Variants in ANKRD30A observed in about 807,000 individuals in gnomAD.
ANKRD30A encodes ankyrin repeat domain 30A, also known as ankyrin repeat domain-containing protein 30A.
Under a neutral mutation model 166.3 loss-of-function variants are expected in ANKRD30A, and 170 were observed. The ratio of observed to expected loss-of-function variants is 1.02; its 90% confidence interval spans 0.90 to 1.16. ANKRD30A has a LOEUF of 1.16. Ranked by LOEUF, ANKRD30A falls within the 50% of genes most tolerant of loss-of-function variation. The pLI, the probability that ANKRD30A is intolerant of heterozygous loss-of-function variation, is 0.00. For synonymous variants in ANKRD30A, 564 were observed against 508.9 expected, an observed-to-expected ratio of 1.11 and a Z score of -1.46; for missense variants, 1,630 against 1,518.0, an observed-to-expected ratio of 1.07 and a Z score of -1.23.
At chr10:37,210,178 G>A (rs1564574050) in intron 31 of ANKRD30A, among the ~76,000 whole-genome samples, 2 of 151,314 alleles carry the variant, frequency 1.3e-5, no homozygotes, top group East Asian at 3.9e-4. Context: ...TGTTCTCATT[G>A]TTCAACTCCC....
At chr10:37,128,569 G>C (rs1453148781) in intron 1 of ANKRD30A, among the ~76,000 whole-genome samples, 4 of 151,902 alleles carry the variant, frequency 2.6e-5, no homozygotes, top group African/African-American at 7.2e-5. Context: ...AAATAAAAGA[G>C]CAAATATAAG....
intron 13 of ANKRD30A, among the ~76,000 whole-genome samples, chr10:37,155,064 A>C (rs17590533): frequency 6.6e-5 from 10 of 152,326 alleles, no homozygotes; most frequent in Non-Finnish European, 8.8e-5. Flanking sequence ...AAATAACATG[A>C]TACACGAAAC....
chr10:37,258,741 A>T, the ANKRD30A span, among the ~76,000 whole-genome samples: 1 of 151,402 alleles, frequency 6.6e-6, no homozygotes, highest in Non-Finnish European at 1.5e-5. Flanking sequence ...AGGTGGGTGG[A>T]TCATGAGGTC....
At chr10:37,189,861 C>T (rs183915980) in intron 25 of ANKRD30A, among the ~76,000 whole-genome samples, 3,063 of 151,304 alleles carry the variant, frequency 0.02, 131 homozygotes, top group African/African-American at 0.07. Context: ...ACAGAGCGTA[C>T]AGAGAGTATA....
At chr10:37,214,679 G>GT (rs797013609) in intron 31 of ANKRD30A, among the ~76,000 whole-genome samples, 35 of 150,540 alleles carry the variant, frequency 2.3e-4, no homozygotes, top group African/African-American at 6.3e-4. Flanking sequence ...TGTCTTAGTG[G>GT]TTTTTTTAGG....
At chr10:37,205,350 C>G (rs193285856) in intron 31 of ANKRD30A, among the ~76,000 whole-genome samples, 1 of 147,872 alleles carries the variant, frequency 6.8e-6, no homozygotes, top group Non-Finnish European at 1.5e-5. Flanking sequence ...ATCGCAAGGA[C>G]AGAAAACCAA....
intron 6 of ANKRD30A, among the ~76,000 whole-genome samples, chr10:37,139,454 G>C (rs1406965741): frequency 6.6e-6 from 1 of 152,198 alleles, no homozygotes; most frequent in Non-Finnish European, 1.5e-5. Context: ...GAGCCATCCT[G>C]CCCATGGGTG....
chr10:37,126,224 A>C (rs1412238980), intron 1 of ANKRD30A, among the ~76,000 whole-genome samples: 1 of 152,184 alleles, frequency 6.6e-6, no homozygotes, highest in Non-Finnish European at 1.5e-5. Context: ...CGGAGGGCCC[A>C]TGCCACCTTA....
In ANKRD30A at chr10:37,216,224, T is replaced by C. The variant is rs1222935469; in HGVS notation, c.2913T>C (p.Cys971=). 1 of 1,606,716 alleles carries C rather than the reference T, an allele frequency of 6.2e-7. No homozygotes were observed. The highest frequency in any genetic ancestry group is 1.3e-5 in the African/African-American group (1 of 74,384). Residue 971 remains cysteine (C), a synonymous_variant, in exon 32 of 36, where the codon TGT becomes TGC. Transcript: ENST00000361713. ...AAATCTTGGATACAGTTCATTCTTGTGAAAGAGCAAGGGAACTTCAAAAAG... is the reference window on the plus strand; with the variant it reads ...AAATCTTGGATACAGTTCATTCTTGCGAAAGAGCAAGGGAACTTCAAAAAG... ...LSKILDTVHS[C]ERARELQKDH...
chr10:37,216,023 T>A (rs956605525), intron 31 of ANKRD30A, among the ~76,000 whole-genome samples, 158 bp from the exon 32 acceptor site: 13 of 151,332 alleles, frequency 8.6e-5, no homozygotes, highest in Non-Finnish European at 1.6e-4. Context: ...GAGAGGTTTT[T>A]TTTTTTTCTG....
chr10:37,207,794 T>C (rs986614640), intron 31 of ANKRD30A, among the ~76,000 whole-genome samples: 1 of 151,976 alleles, frequency 6.6e-6, no homozygotes, highest in Non-Finnish European at 1.5e-5. Context: ...GACAGAATAG[T>C]CTCATACCTC....
chr10:37,131,399 A>G (rs1405153752), intron 3 of ANKRD30A, among the ~76,000 whole-genome samples: 1 of 152,226 alleles, frequency 6.6e-6, no homozygotes, highest in Non-Finnish European at 1.5e-5. Context: ...TTGAGAATAA[A>G]CTTTTATACT....
intron 31 of ANKRD30A, among the ~76,000 whole-genome samples, chr10:37,205,604 C>A (rs1330014970): frequency 6.6e-6 from 1 of 151,550 alleles, no homozygotes; most frequent in Non-Finnish European, 1.5e-5. Context: ...ATAATAACAA[C>A]AAAAAAAATT....
rs1836532305 is a variant in ANKRD30A, at chr10:37,134,063, T to C, written c.755+10T>C. 6.2e-7 allele frequency: 1 copy of C among 1,613,438 alleles called. No homozygotes were observed. Among genetic ancestry groups the C allele is most frequent in the African/African-American group, 1.3e-5 (1 of 74,896 alleles). On this transcript the variant is annotated intron_variant, in intron 5 of 35. Transcript: ENST00000361713. The stretch of plus-strand genomic sequence containing the variant: ...CTTGTGGATTTCATCAGTAAGTGTT[T>C]ACGTTTAGAGGCTAGGTGAGATTTT...
chr10:37,154,678 A>G (rs912801354), intron 13 of ANKRD30A, among the ~76,000 whole-genome samples: 1 of 152,190 alleles, frequency 6.6e-6, no homozygotes, highest in African/African-American at 2.4e-5. Context: ...TATTTTTGCT[A>G]AAGCAGAGAG....
At chr10:37,183,445 T>G (rs1268487246) in intron 24 of ANKRD30A, among the ~76,000 whole-genome samples, 1 of 146,808 alleles carries the variant, frequency 6.8e-6, no homozygotes, top group African/African-American at 2.5e-5. Flanking sequence ...AAATAACAAA[T>G]GGGCTCTTGT....
chr10:37,236,026 C>T (rs1003736966), downstream of ANKRD30A, among the ~76,000 whole-genome samples: 3 of 152,074 alleles, frequency 2.0e-5, no homozygotes, highest in South Asian at 2.1e-4. Flanking sequence ...CCTCGGCCTC[C>T]CAAAGTGCCG....
At chr10:37,229,447 T>C (rs1588964602) in intron 34 of ANKRD30A, among the ~76,000 whole-genome samples, 1 of 152,132 alleles carries the variant, frequency 6.6e-6, no homozygotes. Context: ...AATGCTCAAA[T>C]CAAGATAACT....
the ANKRD30A span, among the ~76,000 whole-genome samples, chr10:37,250,689 T>G: frequency 6.6e-6 from 1 of 152,084 alleles, no homozygotes; most frequent in Non-Finnish European, 1.5e-5. Context: ...TCCAGAGAGC[T>G]TATTGCCCCC....
Sources: allele counts gnomAD v4.1 joint callset (sites outside exome capture counted in the v4.1 genomes callset), GRCh38; gene constraint gnomAD v4.1.1; transcripts MANE v1.5; gene names NCBI Gene and HGNC (gene_info 2026-07-23, HGNC 2026-07-21).